Variants in CUX2 observed in about 807,000 individuals in gnomAD.
CUX2 encodes homeobox protein cut-like 2.
In CUX2, 40 loss-of-function variants were observed where a neutral mutation model predicts 144.8. The observed-to-expected ratio is 0.28, with a 90% CI of 0.21 to 0.36. The LOEUF (loss-of-function observed/expected upper bound fraction) is 0.36. Among genes scored for constraint, CUX2 ranks in the 10% least tolerant of loss-of-function variants. The pLI, the probability that CUX2 is intolerant of heterozygous loss-of-function variation, is 1.00. For missense variants in CUX2, 1,615 were observed against 1,994.0 expected (o/e 0.81, Z 3.62); for synonymous variants, 827 against 875.6 (o/e 0.94, Z 0.98).
intron 19 of CUX2, among the ~76,000 whole-genome samples, chr12:111,337,519 C>T (rs1394845510): frequency 2.0e-5 from 3 of 152,182 alleles, no homozygotes; most frequent in South Asian, 2.1e-4. Flanking sequence ...TGGCTTTTTC[C>T]ACTTTCCTGC....
At chr12:111,297,827 T>C (rs1411976315) in intron 8 of CUX2, among the ~76,000 whole-genome samples, 1 of 152,160 alleles carries the variant, frequency 6.6e-6, no homozygotes, top group Non-Finnish European at 1.5e-5. Context: ...CCAGCACTGT[T>C]CTTGGCACAT....
intron 1 of CUX2, among the ~76,000 whole-genome samples, chr12:111,079,745 G>C (rs1871762539): frequency 6.6e-6 from 1 of 152,202 alleles, no homozygotes; most frequent in African/African-American, 2.4e-5. Flanking sequence ...AGAACAGCCT[G>C]TGCGTACACC....
chr12:111,299,054 A>G (rs1030087344), intron 9 of CUX2, among the ~76,000 whole-genome samples: 1 of 152,240 alleles, frequency 6.6e-6, no homozygotes, highest in African/African-American at 2.4e-5. Flanking sequence ...AAAGAAGGGC[A>G]GCCACAGCCA....
At chr12:111,110,086 T>C (rs1330617139) in intron 1 of CUX2, among the ~76,000 whole-genome samples, 1 of 151,828 alleles carries the variant, frequency 6.6e-6, no homozygotes, top group Non-Finnish European at 1.5e-5. Flanking sequence ...TCTTGCTTTG[T>C]TGTCCAGGCT....
intron 1 of CUX2, among the ~76,000 whole-genome samples, chr12:111,213,016 G>A (rs367961124): frequency 2.0e-5 from 3 of 152,322 alleles, no homozygotes; most frequent in African/African-American, 4.8e-5. Flanking sequence ...CTTTCAACAC[G>A]GTGCCGGGCC....
intron 19 of CUX2, among the ~76,000 whole-genome samples, chr12:111,337,352 CAA>C (rs1197695502): frequency 2.4e-4 from 27 of 111,408 alleles, no homozygotes; most frequent in Non-Finnish European, 2.3e-4. Flanking sequence ...GACCCTGTCT[CAA>C]AAAAAAAAAA....
rs1036881427 is a variant in CUX2, at chr12:111,104,585, C to T, written c.63+70345C>T. 2.0e-5 allele frequency among the ~76,000 whole-genome samples: 3 copies of T among 152,200 alleles called. No homozygotes were observed. In the South Asian group the frequency reaches 6.2e-4, roughly 32 times the overall value. ...TGATGCAGGGCAAGTTGCTTTACCT[C>T]GCTGTGGCCCTGGTTCCTCATCTAT... On this transcript the variant is annotated intron_variant, in intron 1 of 21. Coordinates refer to ENST00000261726, the MANE Select transcript of CUX2 (RefSeq NM_015267.4).
rs191007039 is a variant in CUX2, at chr12:111,346,029, C to T, written c.3660-1495C>T. Among the ~76,000 whole-genome samples the T allele has an allele frequency of 3.4e-3, 513 of 150,650 alleles. 3 individuals carry two copies. Among genetic ancestry groups the T allele is most frequent in the African/African-American group, 0.011 (448 of 40,950 alleles). ...CTGAGTCAGGAGAATCACTTGAACC[C>T]GGGAGGCAGAGGTTGCAGTGAGCCG... On this transcript the variant is annotated intron_variant, in intron 21 of 21. Coordinates refer to ENST00000261726, the MANE Select transcript of CUX2 (RefSeq NM_015267.4).
intron 1 of CUX2, among the ~76,000 whole-genome samples, chr12:111,066,211 C>T (rs1259772010): frequency 1.3e-5 from 2 of 152,120 alleles, no homozygotes; most frequent in Non-Finnish European, 2.9e-5. Flanking sequence ...GAGTGAGTTC[C>T]CTCTTCAGTT....
chr12:111,063,651 G>T (rs982323102), intron 1 of CUX2, among the ~76,000 whole-genome samples: 5 of 152,240 alleles, frequency 3.3e-5, no homozygotes, highest in African/African-American at 1.2e-4. Context: ...TCTCAGGCAG[G>T]CTGGCTCCTG....
intron 1 of CUX2, among the ~76,000 whole-genome samples, chr12:111,046,220 C>G (rs1171646977): frequency 6.6e-6 from 1 of 152,224 alleles, no homozygotes; most frequent in Admixed American, 6.5e-5. Flanking sequence ...TCCCTGCATG[C>G]CGCTTGGCAG....
At position 111,077,138 on chromosome 12, in the gene CUX2, A is replaced by C. The variant is rs1446119499; in HGVS notation, c.63+42898A>C. Among the ~76,000 whole-genome samples, 1 of 151,766 alleles carries C rather than the reference A, an allele frequency of 6.6e-6. No homozygotes were observed. Among genetic ancestry groups the C allele is most frequent in the Non-Finnish European group, 1.5e-5 (1 of 67,954 alleles). On this transcript the variant is annotated intron_variant, in intron 1 of 21. Transcript: ENST00000261726. The surrounding 1 kb of genome is among the most constrained non-coding windows in gnomAD (Gnocchi z 4.1). Reference sequence around the variant, plus strand: ...ACATCTCTGCCCCCCTTGACTATTTATTTTTTCCTTTGCTGTAGTTCAAGG... The same window carrying C: ...ACATCTCTGCCCCCCTTGACTATTTCTTTTTTCCTTTGCTGTAGTTCAAGG...
intron 9 of CUX2, among the ~76,000 whole-genome samples, chr12:111,301,525 T>C (rs896723337): frequency 2.0e-5 from 3 of 152,008 alleles, no homozygotes; most frequent in South Asian, 2.1e-4. Context: ...CTTTTTTTTT[T>C]TCTTTTCCAA....
intron 3 of CUX2, among the ~76,000 whole-genome samples, chr12:111,247,073 A>G (rs1883313361): frequency 6.6e-6 from 1 of 152,148 alleles, no homozygotes; most frequent in South Asian, 2.1e-4. Context: ...CATCACCTTA[A>G]TCCTGATGAT....
At chr12:111,121,369 CTTTTTTTTTTTTTTTT>C (rs5800920) in intron 1 of CUX2, among the ~76,000 whole-genome samples, 3 of 59,038 alleles carry the variant, frequency 5.1e-5, no homozygotes, top group African/African-American at 1.6e-4. Context: ...TTTCTTTTTT[CTTTTTTTTTTTTTTTT>C]TTTTTTTTTG....
At chr12:111,338,516 G>C in intron 20 of CUX2, 42 bp downstream of exon 20, 6 of 1,558,868 alleles carry the variant, frequency 3.8e-6, no homozygotes, top group Non-Finnish European at 5.2e-6. Context: ...CTGGGTCTCA[G>C]ATTTTCCCCA....
chr12:111,048,760 G>T (rs774286720), intron 1 of CUX2, among the ~76,000 whole-genome samples: 3 of 152,202 alleles, frequency 2.0e-5, no homozygotes, highest in Non-Finnish European at 4.4e-5. Flanking sequence ...CTGTCCCAGG[G>T]GGTCGTGTGC....
chr12:111,102,907 T>A (rs2136071265), intron 1 of CUX2, among the ~76,000 whole-genome samples: 1 of 152,346 alleles, frequency 6.6e-6, no homozygotes, highest in South Asian at 2.1e-4. Context: ...TACTATCTTA[T>A]CTTTTTGCAA....
At chr12:111,321,456 G>A (rs1040268629) in intron 17 of CUX2, among the ~76,000 whole-genome samples, 6 of 151,002 alleles carry the variant, frequency 4.0e-5, no homozygotes, top group African/African-American at 7.3e-5. Context: ...GTGACAGAAC[G>A]ATACTCCATC....
Sources: allele counts gnomAD v4.1 joint callset (sites outside exome capture counted in the v4.1 genomes callset), GRCh38; gene constraint gnomAD v4.1.1; non-coding constraint Gnocchi (gnomAD v3.1); transcripts MANE v1.5; gene names NCBI Gene and HGNC (gene_info 2026-07-23, HGNC 2026-07-21).